TBL1X: variants seen among roughly 807,000 people sequenced by gnomAD.
TBL1X encodes F-box-like/WD repeat-containing protein TBL1X.
TBL1X carries 10 observed loss-of-function variants against 50.7 expected under a neutral mutation model. The ratio of observed to expected loss-of-function variants is 0.20; its 90% CI spans 0.12 to 0.33. The LOEUF is 0.33. TBL1X is among the 10% of genes least tolerant of loss of function. The pLI, the probability that TBL1X is intolerant of heterozygous loss-of-function variation, is 1.00. For synonymous variants in TBL1X, 190 were observed against 214.7 expected (o/e 0.88, Z 1.01); for missense variants, 340 against 504.4 (o/e 0.67, Z 3.12).
At chrX:9,597,814 A>G (rs1312983073) in intron 2 of TBL1X, among the ~76,000 whole-genome samples, 3 of 111,734 alleles carry the variant, frequency 2.7e-5, no homozygotes, top group Non-Finnish European at 5.6e-5. Flanking sequence ...CTGTAACCCC[A>G]GCTCCAGTGT....
chrX:9,667,357 A>G (rs1415088376), intron 5 of TBL1X, among the ~76,000 whole-genome samples: 2 of 112,186 alleles, frequency 1.8e-5, no homozygotes, highest in Non-Finnish European at 3.8e-5. Flanking sequence ...TAAGATTTGA[A>G]GGAGATTATT....
chrX:9,504,844 C>G (rs2082018400), intron 2 of TBL1X, among the ~76,000 whole-genome samples: 1 of 111,489 alleles, frequency 9.0e-6, no homozygotes, highest in African/African-American at 3.3e-5. Flanking sequence ...GAGTGGAGTA[C>G]CAGAAGGAGG....
At chrX:9,586,042 A>G (rs895218397) in intron 2 of TBL1X, among the ~76,000 whole-genome samples, 1 of 112,484 alleles carries the variant, frequency 8.9e-6, no homozygotes, top group African/African-American at 3.2e-5. Flanking sequence ...ACTCTTATGC[A>G]CTATTGGAAG....
At chrX:9,621,667 G>A (rs897533196) in intron 2 of TBL1X, among the ~76,000 whole-genome samples, 5 of 112,109 alleles carry the variant, frequency 4.5e-5, no homozygotes, top group East Asian at 2.8e-4. Flanking sequence ...CCTGAACATC[G>A]TATAACAGCA....
At chrX:9,694,021 G>A (rs771483442) in intron 11 of TBL1X, among the ~76,000 whole-genome samples, 3 of 110,642 alleles carry the variant, frequency 2.7e-5, no homozygotes, top group South Asian at 3.8e-4. Context: ...GAACCCAAGG[G>A]CAAAGAGTAA....
intron 2 of TBL1X, among the ~76,000 whole-genome samples, chrX:9,639,414 A>T (rs2082763846): frequency 8.9e-6 from 1 of 112,008 alleles, no homozygotes; most frequent in Admixed American, 9.5e-5. Context: ...TTCGTAGATG[A>T]TAGAGGATAA....
At chrX:9,491,325 TATATATA>T (rs1378600516) in intron 1 of TBL1X, among the ~76,000 whole-genome samples, 333 of 31,858 alleles carry the variant, frequency 0.01, 9 homozygotes, top group African/African-American at 0.037. Flanking sequence ...TATATATATA[TATATATA>T]TATATATTTT....
intron 2 of TBL1X, among the ~76,000 whole-genome samples, chrX:9,533,060 G>A (rs1190673343): frequency 1.8e-5 from 2 of 111,602 alleles, no homozygotes; most frequent in African/African-American, 3.3e-5. Context: ...ATTAGACAGC[G>A]GTTGCAAAAT....
chrX:9,674,644 C>T (rs2082980483), intron 5 of TBL1X, among the ~76,000 whole-genome samples: 1 of 97,064 alleles, frequency 1.0e-5, no homozygotes, highest in Non-Finnish European at 2.1e-5. Flanking sequence ...TCACCGTAGC[C>T]TCAGCCTCCT....
intron 2 of TBL1X, among the ~76,000 whole-genome samples, chrX:9,568,359 G>C (rs999467308): frequency 9.3e-6 from 1 of 107,402 alleles, no homozygotes; most frequent in Non-Finnish European, 1.9e-5. Context: ...GTCTGTGCAC[G>C]TGCTGTGCGG....
intron 2 of TBL1X, among the ~76,000 whole-genome samples, chrX:9,594,178 G>A (rs2082516509): frequency 8.9e-6 from 1 of 112,704 alleles, no homozygotes; most frequent in African/African-American, 3.2e-5. Context: ...TGGCTGTAAT[G>A]CGCCAGGGCA....
At chrX:9,577,256 A>G (rs1008270069) in intron 2 of TBL1X, among the ~76,000 whole-genome samples, 5 of 111,791 alleles carry the variant, frequency 4.5e-5, no homozygotes, top group African/African-American at 6.5e-5. Flanking sequence ...AGATGTGGCC[A>G]TTGTGACTGA....
intron 2 of TBL1X, among the ~76,000 whole-genome samples, chrX:9,503,724 G>C (rs2082012605): frequency 8.9e-6 from 1 of 112,826 alleles, no homozygotes; most frequent in Non-Finnish European, 1.9e-5. Context: ...GTGTGTGTGG[G>C]GCGGGGCGCT....
chrX:9,488,978 G>A (rs1311327262), intron 1 of TBL1X, among the ~76,000 whole-genome samples: 2 of 111,211 alleles, frequency 1.8e-5, no homozygotes, highest in Non-Finnish European at 3.8e-5. Flanking sequence ...GAGCCACCAT[G>A]CTTGCCCTCA....
intron 2 of TBL1X, among the ~76,000 whole-genome samples, chrX:9,512,907 C>T (rs753272969): frequency 4.5e-5 from 5 of 111,642 alleles, no homozygotes; most frequent in Non-Finnish European, 7.5e-5. Context: ...ACTGACTATA[C>T]GGCTTCCTAG....
At chrX:9,665,542 A>T (rs1224596577) in intron 5 of TBL1X, among the ~76,000 whole-genome samples, 2 of 37,680 alleles carry the variant, frequency 5.3e-5, no homozygotes, top group African/African-American at 2.0e-4. Flanking sequence ...TATATATAAA[A>T]GGCCTTGGTG....
intron 2 of TBL1X, among the ~76,000 whole-genome samples, chrX:9,598,871 T>C (rs1419101980): frequency 9.0e-6 from 1 of 111,119 alleles, no homozygotes; most frequent in Non-Finnish European, 1.9e-5. Flanking sequence ...CATTTGCACA[T>C]GGCCTTTTCC....
chrX:9,585,328 A>ACCCCCCCCC (rs1262756915), intron 2 of TBL1X, among the ~76,000 whole-genome samples: 22 of 54,636 alleles, frequency 4.0e-4, no homozygotes, highest in Non-Finnish European at 5.2e-4. Flanking sequence ...GCTCCATGCC[A>ACCCCCCCCC]CCCCCCTCCC....
At chrX:9,669,781 C>T (rs145319653) in intron 5 of TBL1X, among the ~76,000 whole-genome samples, 124 of 111,598 alleles carry the variant, frequency 1.1e-3, no homozygotes, top group African/African-American at 3.8e-3. Flanking sequence ...TTAGGGCAGT[C>T]GTCTCTTCTT....
Sources: allele counts gnomAD v4.1 joint callset (sites outside exome capture counted in the v4.1 genomes callset), GRCh38; gene constraint gnomAD v4.1.1; transcripts MANE v1.5; gene names NCBI Gene and HGNC (gene_info 2026-07-23, HGNC 2026-07-21).